NRXN3: variants seen among roughly 807,000 people sequenced by gnomAD.
The protein encoded by NRXN3 is neurexin 3, also known as neurexin III.
In NRXN3, 32 loss-of-function variants were observed where a neutral mutation model predicts 137.6. The observed-to-expected ratio is 0.23, with a 90% CI of 0.18 to 0.31. The LOEUF is 0.31. NRXN3 is among the 10% of genes least tolerant of loss of function. The pLI is 1.00. For missense variants in NRXN3, 1,574 were observed against 2,062.5 expected, an observed-to-expected ratio of 0.76 and a Z score of 4.59; for synonymous variants, 798 against 784.5, an observed-to-expected ratio of 1.02 and a Z score of -0.29.
intron 4 of NRXN3, among the ~76,000 whole-genome samples, chr14:78,530,537 G>A (rs1334720648): frequency 2.0e-5 from 3 of 152,180 alleles, no homozygotes; most frequent in Admixed American, 6.5e-5. Flanking sequence ...CTTAACAGGG[G>A]AACCACCAGT....
intron 19 of NRXN3, among the ~76,000 whole-genome samples, chr14:79,722,794 G>A (rs2098849594): frequency 6.6e-6 from 1 of 152,132 alleles, no homozygotes; most frequent in Non-Finnish European, 1.5e-5. Flanking sequence ...CTACCATTTA[G>A]TAGGCATTCA....
intron 15 of NRXN3, among the ~76,000 whole-genome samples, chr14:79,332,912 A>C (rs1391936694): frequency 6.6e-6 from 1 of 152,142 alleles, no homozygotes; most frequent in African/African-American, 2.4e-5. Context: ...GATACATTGT[A>C]ATGACCACCC....
At chr14:79,134,557 G>A (rs1483474879) in intron 15 of NRXN3, among the ~76,000 whole-genome samples, 2 of 152,198 alleles carry the variant, frequency 1.3e-5, no homozygotes, top group Non-Finnish European at 2.9e-5. Context: ...GTTACATAAT[G>A]CTATGCTTCT....
intron 15 of NRXN3, among the ~76,000 whole-genome samples, chr14:79,190,809 G>T (rs1346254108): frequency 4.6e-5 from 7 of 152,114 alleles, no homozygotes; most frequent in Admixed American, 4.6e-4. Flanking sequence ...CTTCTACTAA[G>T]TCACTTGAAA....
At chr14:78,967,537 A>G (rs751477351) in intron 13 of NRXN3, 139 bp downstream of exon 13, 2 of 654,784 alleles carry the variant, frequency 3.1e-6, no homozygotes, top group Non-Finnish European at 5.3e-6. Flanking sequence ...ATGTTGAATT[A>G]TCCTGTAATG....
intron 15 of NRXN3, among the ~76,000 whole-genome samples, chr14:79,154,408 T>C (rs1463009981): frequency 1.3e-5 from 2 of 151,984 alleles, no homozygotes; most frequent in Non-Finnish European, 2.9e-5. Context: ...GATTTGGTTT[T>C]CTGAGAGTGA....
chr14:78,342,804 T>G (rs2153582924), intron 4 of NRXN3, among the ~76,000 whole-genome samples: 1 of 152,346 alleles, frequency 6.6e-6, no homozygotes, highest in African/African-American at 2.4e-5. Context: ...GCACACTTGC[T>G]ATGTGTTTTT....
chr14:79,826,159 C>A (rs1208319179), intron 20 of NRXN3, among the ~76,000 whole-genome samples: 2 of 152,150 alleles, frequency 1.3e-5, no homozygotes, highest in Middle Eastern at 3.4e-3. Context: ...CCATGCCCAG[C>A]TAGTTTTTAT....
rs1015150415 is a variant in NRXN3 at position 79,863,724 on chromosome 14, G to C, written c.*1760G>C. On this transcript the variant is annotated 3_prime_UTR_variant, in exon 21 of 21. Coordinates refer to ENST00000335750, the MANE Select transcript of NRXN3 (RefSeq NM_001330195.2). The stretch of plus-strand genomic sequence containing the variant: ...ACTGGTTGTATGGCCATAGCTATCC[G>C]AAAAGCAAGAGACAAAGCAAGACAA... 6.6e-6 allele frequency: 1 copy of C among 152,556 alleles called. No homozygotes were observed. Among genetic ancestry groups the C allele is most frequent in the Non-Finnish European group, 1.5e-5 (1 of 68,022 alleles). The allele number at this position is 152,556 out of a possible 1,614,324, so 9.5% of individuals were successfully genotyped here.
chr14:78,909,403 A>T (rs1263888377), intron 10 of NRXN3, among the ~76,000 whole-genome samples: 1 of 152,162 alleles, frequency 6.6e-6, no homozygotes, highest in Non-Finnish European at 1.5e-5. Context: ...TAAGAATAGC[A>T]TCTGCTAATT....
intron 10 of NRXN3, among the ~76,000 whole-genome samples, chr14:78,879,495 T>G (rs988249454): frequency 1.3e-5 from 2 of 152,258 alleles, no homozygotes; most frequent in South Asian, 2.1e-4. Context: ...CATTTTTTAA[T>G]GTACTTGTTA....
chr14:79,684,121 G>C lies in NRXN3; in HGVS notation c.3617-8052G>C, dbSNP rs1462773424. On this transcript the variant is annotated intron_variant, in intron 17 of 20. Transcript: ENST00000335750. ...TGCAGATAACACAAAGCTAAGAGAG[G>C]TATCTCCTACCAGAAACAAAAAATC... Among the ~76,000 whole-genome samples the C allele has an allele frequency of 2.0e-5, 3 of 152,126 alleles. No individual in the cohort carries two copies. The East Asian group carries it at 5.8e-4, about 29-fold the overall frequency.
chr14:79,280,216 T>C (rs1566651513), intron 15 of NRXN3: 1 of 1,585,696 alleles, frequency 6.3e-7, no homozygotes, highest in Non-Finnish European at 8.6e-7. Context: ...GATGGGCCCT[T>C]GGGCATCATG....
chr14:79,213,119 A>G (rs2067944749), intron 15 of NRXN3, among the ~76,000 whole-genome samples: 1 of 152,216 alleles, frequency 6.6e-6, no homozygotes, highest in Non-Finnish European at 1.5e-5. Flanking sequence ...TCTAGAAAAT[A>G]GAAAATACTC....
At chr14:78,817,464 G>A (rs1367890427) in intron 10 of NRXN3, among the ~76,000 whole-genome samples, 2 of 152,202 alleles carry the variant, frequency 1.3e-5, no homozygotes, top group Non-Finnish European at 2.9e-5. Flanking sequence ...GCCTTCATAA[G>A]TTATGTCTTA....
intron 15 of NRXN3, among the ~76,000 whole-genome samples, chr14:79,462,505 A>G (rs2096359067): frequency 1.5e-5 from 1 of 68,482 alleles, no homozygotes; most frequent in Admixed American, 1.9e-4. Flanking sequence ...ATATATATAT[A>G]CACACATATA....
chr14:78,430,117 A>C (rs1220100629), intron 4 of NRXN3, among the ~76,000 whole-genome samples: 1 of 152,198 alleles, frequency 6.6e-6, no homozygotes, highest in Non-Finnish European at 1.5e-5. Flanking sequence ...GCACGTCTAC[A>C]GTCCCAGCCA....
intron 19 of NRXN3, among the ~76,000 whole-genome samples, chr14:79,778,021 T>G (rs563032231): frequency 4.6e-5 from 7 of 152,304 alleles, no homozygotes; most frequent in African/African-American, 1.7e-4. Flanking sequence ...TAAACCTCCT[T>G]TCTACTGACT....
chr14:79,686,714 A>G (rs563604420), intron 17 of NRXN3, among the ~76,000 whole-genome samples: 22 of 152,310 alleles, frequency 1.4e-4, no homozygotes, highest in African/African-American at 4.8e-4. Context: ...CTCCATATCC[A>G]ATATTCTTTT....
Sources: gnomAD v4.1 joint callset for allele counts (sites outside exome capture counted in the v4.1 genomes callset) on GRCh38, gnomAD v4.1.1 for gene constraint, MANE v1.5 for transcripts, NCBI Gene and HGNC (gene_info 2026-07-23, HGNC 2026-07-21) for gene names.